The following NBEA variants were observed in gnomAD, a reference collection of about 807,000 sequenced individuals.
NBEA encodes the protein neurobeachin.
In NBEA, 44 loss-of-function variants were observed where a neutral mutation model predicts 343.4. The ratio of observed to expected loss-of-function variants is 0.13; its 90% CI spans 0.10 to 0.16. The LOEUF (loss-of-function observed/expected upper bound fraction) is 0.16, where lower values mean the gene tolerates loss of function less well. Among genes scored for constraint, NBEA ranks in the 10% least tolerant of loss-of-function variants. The probability of loss-of-function intolerance (pLI) is 1.00; values close to 1 mark genes in which losing one functional copy is unlikely to be tolerated. For synonymous variants in NBEA, 1,175 were observed against 1,238.7 expected, an observed-to-expected ratio of 0.95 and a Z score of 1.08; for missense variants, 2,555 against 3,631.3, an observed-to-expected ratio of 0.70 and a Z score of 7.62.
chr13:35,548,898 G>T (rs528842599), intron 41 of NBEA, among the ~76,000 whole-genome samples: 1 of 152,144 alleles, frequency 6.6e-6, no homozygotes, highest in African/African-American at 2.4e-5. Context: ...GTCACCTGAT[G>T]CTCAACAACA....
intron 36 of NBEA, among the ~76,000 whole-genome samples, chr13:35,348,690 T>C (rs2040012589): frequency 6.6e-6 from 1 of 152,060 alleles, no homozygotes; most frequent in Non-Finnish European, 1.5e-5. Flanking sequence ...TTAAAAATTT[T>C]ATTGAGGTAC....
At chr13:35,160,172 T>G in intron 22 of NBEA, 140 bp downstream of exon 22, 1 of 793,184 alleles carries the variant, frequency 1.3e-6, no homozygotes, top group Non-Finnish European at 1.9e-6. Flanking sequence ...AACTAAATAG[T>G]GCGGTATAAT....
intron 36 of NBEA, among the ~76,000 whole-genome samples, chr13:35,342,264 G>T (rs111343619): frequency 0.029 from 4,361 of 152,118 alleles, 85 homozygotes; most frequent in Non-Finnish European, 0.046. Flanking sequence ...AAAGGATCTA[G>T]ACTTATATAG....
rs534894123 is a variant in NBEA, at chr13:35,055,008, G to A, written c.973-1002G>A. 3.9e-4 allele frequency among the ~76,000 whole-genome samples: 59 copies of A among 152,108 alleles called. No individual in the cohort carries two copies. In the South Asian group the frequency reaches 0.012, roughly 30 times the overall value. On this transcript the variant is annotated intron_variant, in intron 6 of 58. Transcript: ENST00000379939. ...TTGCTCAAAGTATTTTAGATACCTTGAAATAACTAATATTTTAGTGATTAA... is the reference window on the plus strand; with the variant it reads ...TTGCTCAAAGTATTTTAGATACCTTAAAATAACTAATATTTTAGTGATTAA...
chr13:35,314,044 G>A (rs1323071447), intron 36 of NBEA, among the ~76,000 whole-genome samples: 1 of 152,082 alleles, frequency 6.6e-6, no homozygotes, highest in Admixed American at 6.6e-5. Context: ...TCTGAGAGGG[G>A]TGCATTGAGA....
chr13:35,069,798 C>G lies in NBEA; in HGVS notation c.1240-110C>G, dbSNP rs184967240. 6 of 650,402 alleles carry G rather than the reference C, an allele frequency of 9.2e-6. No homozygotes were observed. In the Admixed American group the frequency reaches 1.1e-4, roughly 12 times the overall value. 40.3% of individuals were successfully genotyped at this position (650,402 alleles called of 1,614,324 possible). ...TAATACCACTGAATAGTCCCTGACA[C>G]ATGAAAGGTACACAAGTAGTTTATT... On this transcript the variant is annotated intron_variant, in intron 8 of 58. Coordinates refer to ENST00000379939, the MANE Select transcript of NBEA (RefSeq NM_001385012.1).
chr13:35,339,779 G>C (rs2039477878), intron 36 of NBEA, among the ~76,000 whole-genome samples: 1 of 151,950 alleles, frequency 6.6e-6, no homozygotes, highest in Admixed American at 6.6e-5. Flanking sequence ...AACAACCAAA[G>C]TTCATGAGAT....
At chr13:35,026,736 A>G (rs1326028671) in intron 1 of NBEA, among the ~76,000 whole-genome samples, 1 of 152,136 alleles carries the variant, frequency 6.6e-6, no homozygotes. Context: ...TCTAGTAGCC[A>G]CATTTAAAAA....
intron 1 of NBEA, among the ~76,000 whole-genome samples, chr13:35,004,582 C>T (rs2061253346): frequency 6.6e-6 from 1 of 152,096 alleles, no homozygotes; most frequent in South Asian, 2.1e-4. Flanking sequence ...CTCTAATATC[C>T]CATTTTGGAA....
At chr13:35,669,096 T>C (rs2085488021) in intron 58 of NBEA, among the ~76,000 whole-genome samples, 1 of 152,204 alleles carries the variant, frequency 6.6e-6, no homozygotes. Context: ...TTAATCCAGC[T>C]CTTTCTTGGA....
chr13:35,382,140 G>A (rs1488037770), intron 38 of NBEA, among the ~76,000 whole-genome samples: 1 of 152,032 alleles, frequency 6.6e-6, no homozygotes, highest in South Asian at 2.1e-4. Context: ...TAGGGCACTA[G>A]CCAGGATATT....
At chr13:35,636,744 T>G (rs921056478) in intron 49 of NBEA, among the ~76,000 whole-genome samples, 2 of 152,186 alleles carry the variant, frequency 1.3e-5, no homozygotes, top group Non-Finnish European at 2.9e-5. Flanking sequence ...TGGTAAAGGA[T>G]TTGTGGATTG....
intron 45 of NBEA, among the ~76,000 whole-genome samples, chr13:35,574,072 T>C (rs9530719): frequency 0.15 from 22,124 of 152,096 alleles, 1,759 homozygotes; most frequent in East Asian, 0.28. Context: ...CACTAAGATA[T>C]ATAAAACTAA....
chr13:35,231,490 G>C (rs560918124), intron 33 of NBEA, among the ~76,000 whole-genome samples: 9 of 151,936 alleles, frequency 5.9e-5, no homozygotes, highest in Non-Finnish European at 1.0e-4. Flanking sequence ...TGTACATATC[G>C]TCTGTGTAGA....
intron 48 of NBEA, among the ~76,000 whole-genome samples, chr13:35,607,522 C>T (rs1019439083): frequency 6.6e-6 from 1 of 152,140 alleles, no homozygotes; most frequent in African/African-American, 2.4e-5. Flanking sequence ...TCTTGAATTA[C>T]ATCAATAAAA....
At chr13:35,470,949 C>G (rs964546554) in intron 40 of NBEA, among the ~76,000 whole-genome samples, 1 of 152,202 alleles carries the variant, frequency 6.6e-6, no homozygotes. Context: ...AAAGAAAAAC[C>G]TTGTGCAACC....
At chr13:35,428,764 A>G (rs893682945) in intron 38 of NBEA, among the ~76,000 whole-genome samples, 5 of 152,084 alleles carry the variant, frequency 3.3e-5, no homozygotes, top group Non-Finnish European at 5.9e-5. Context: ...CAGGTTCTTG[A>G]TATGACAAGT....
chr13:35,231,914 A>C (rs2074997058), intron 33 of NBEA, among the ~76,000 whole-genome samples: 1 of 152,116 alleles, frequency 6.6e-6, no homozygotes, highest in Non-Finnish European at 1.5e-5. Flanking sequence ...AAGAATGTCA[A>C]GTAGTGCTTA....
intron 1 of NBEA, among the ~76,000 whole-genome samples, chr13:35,028,614 G>C (rs1342440164): frequency 6.6e-6 from 1 of 151,620 alleles, no homozygotes; most frequent in Non-Finnish European, 1.5e-5. Flanking sequence ...CTTCCTTTTA[G>C]ATCTCTGTAT....
Sources: allele counts gnomAD v4.1 joint callset (sites outside exome capture counted in the v4.1 genomes callset), GRCh38; gene constraint gnomAD v4.1.1; transcripts MANE v1.5; gene names NCBI Gene and HGNC (gene_info 2026-07-23, HGNC 2026-07-21).